KLHL1: variants seen among roughly 807,000 people sequenced by gnomAD.
KLHL1 encodes the protein kelch like family member 1, also known as kelch-like protein 1.
In KLHL1, 47 loss-of-function variants were observed where a neutral mutation model predicts 77.7. The observed-to-expected ratio is 0.60, with a 90% CI of 0.48 to 0.77. The LOEUF (loss-of-function observed/expected upper bound fraction) is 0.77. Ranked by LOEUF, KLHL1 falls within the 30% of genes least tolerant of loss-of-function variation. The pLI, the probability that KLHL1 is intolerant of heterozygous loss-of-function variation, is 0.00. For synonymous variants in KLHL1, 360 were observed against 325.2 expected, an observed-to-expected ratio of 1.11 and a Z score of -1.15; for missense variants, 925 against 910.8, an observed-to-expected ratio of 1.02 and a Z score of -0.20.
intron 1 of KLHL1, among the ~76,000 whole-genome samples, chr13:70,024,620 T>TTCTC (rs5804459): frequency 0.028 from 3,670 of 130,302 alleles, 77 homozygotes; most frequent in Non-Finnish European, 0.039. Flanking sequence ...GAGAAAAGAT[T>TTCTC]TCTCTCTCTC....
At chr13:69,862,903 AT>A in intron 5 of KLHL1, among the ~76,000 whole-genome samples, 1 of 152,214 alleles carries the variant, frequency 6.6e-6, no homozygotes, top group East Asian at 1.9e-4. Flanking sequence ...TACATTTCTG[AT>A]GTTTAAGCCA....
intron 1 of KLHL1, among the ~76,000 whole-genome samples, chr13:69,999,832 T>G (rs1885243615): frequency 6.6e-6 from 1 of 152,110 alleles, no homozygotes; most frequent in South Asian, 2.1e-4. Context: ...GCTAGCATTA[T>G]TAACCCAGGT....
At chr13:69,952,338 C>T (rs1444039896) in intron 3 of KLHL1, among the ~76,000 whole-genome samples, 52 of 151,356 alleles carry the variant, frequency 3.4e-4, no homozygotes. Context: ...ATATTTTAGA[C>T]AAATGCAAAA....
intron 5 of KLHL1, among the ~76,000 whole-genome samples, chr13:69,866,498 T>C (rs1880368558): frequency 6.6e-6 from 1 of 152,114 alleles, no homozygotes; most frequent in South Asian, 2.1e-4. Context: ...AGTGATTCCC[T>C]AGTGTTTCTG....
intron 7 of KLHL1, among the ~76,000 whole-genome samples, chr13:69,782,197 G>C (rs552339593): frequency 6.6e-6 from 1 of 152,304 alleles, no homozygotes; most frequent in South Asian, 2.1e-4. Flanking sequence ...CAAGATGGCC[G>C]AACAGGAACA....
At chr13:69,790,723 A>G (rs1369802697) in intron 7 of KLHL1, among the ~76,000 whole-genome samples, 7 of 152,186 alleles carry the variant, frequency 4.6e-5, no homozygotes, top group Admixed American at 4.6e-4. Context: ...TAGATACAGG[A>G]AAATCCAATA....
intron 5 of KLHL1, among the ~76,000 whole-genome samples, chr13:69,843,493 C>T (rs1879343848): frequency 6.6e-6 from 1 of 151,536 alleles, no homozygotes; most frequent in Admixed American, 6.6e-5. Flanking sequence ...ATTTTGATGG[C>T]TCCTTTAACT....
rs139255875 is a variant in KLHL1, at chr13:69,902,254, T to C, written c.1015-19759A>G. On this transcript the variant is annotated intron_variant, in intron 4 of 10. Transcript: ENST00000377844. ...TAACTAATGAAGTTTTAAATTTCTTTCATGTTTGTTCAACATGGGCTGGTC... is the reference window on the plus strand; with the variant it reads ...TAACTAATGAAGTTTTAAATTTCTTCCATGTTTGTTCAACATGGGCTGGTC... Among the ~76,000 whole-genome samples the C allele has an allele frequency of 7.3e-3, 1,111 of 152,308 alleles. 11 individuals are homozygous for C. The highest frequency in any genetic ancestry group is 0.025 in the African/African-American group (1,055 of 41,560).
intron 1 of KLHL1, among the ~76,000 whole-genome samples, chr13:70,069,897 G>A (rs953032216): frequency 5.3e-5 from 8 of 152,082 alleles, no homozygotes; most frequent in East Asian, 3.9e-4. Context: ...GGCCGGGCAC[G>A]GTGGCTCATG....
chr13:70,077,282 A>T (rs1183074201), intron 1 of KLHL1, among the ~76,000 whole-genome samples: 3 of 151,988 alleles, frequency 2.0e-5, no homozygotes, highest in Non-Finnish European at 4.4e-5. Flanking sequence ...CAACAATAAA[A>T]AGATATGAGC....
intron 6 of KLHL1, among the ~76,000 whole-genome samples, chr13:69,824,861 T>G (rs1169714755): frequency 6.6e-6 from 1 of 152,082 alleles, no homozygotes; most frequent in Non-Finnish European, 1.5e-5. Flanking sequence ...AAAACTCACT[T>G]AAAGGACCAC....
chr13:70,098,836 C>T (rs1447832731), intron 1 of KLHL1, among the ~76,000 whole-genome samples: 1 of 151,578 alleles, frequency 6.6e-6, no homozygotes, highest in Non-Finnish European at 1.5e-5. Flanking sequence ...TCTCTTCTTA[C>T]ATTTTTTTCA....
intron 10 of KLHL1, among the ~76,000 whole-genome samples, chr13:69,705,814 T>A (rs1244429907): frequency 6.6e-6 from 1 of 151,734 alleles, no homozygotes; most frequent in Non-Finnish European, 1.5e-5. Flanking sequence ...AGGAAAATGA[T>A]CTTTAGGAGT....
chr13:69,787,872 A>G lies in KLHL1; in HGVS notation c.1639+8866T>C, dbSNP rs573682448. Among the ~76,000 whole-genome samples the G allele has an allele frequency of 1.0e-3, 156 of 152,364 alleles. 1 individual carries two copies. Among genetic ancestry groups the G allele is most frequent in the Non-Finnish European group, 1.7e-3 (119 of 68,036 alleles). On this transcript the variant is annotated intron_variant, in intron 7 of 10. Coordinates refer to ENST00000377844, the MANE Select transcript of KLHL1 (RefSeq NM_020866.3). Reference sequence around the variant, plus strand: ...GATATGAACAGACATTTCTGAAAAGAAGACATTTATGCAGCCAAAAAACAC... The same window carrying G: ...GATATGAACAGACATTTCTGAAAAGGAGACATTTATGCAGCCAAAAAACAC...
intron 1 of KLHL1, among the ~76,000 whole-genome samples, chr13:69,986,030 A>G (rs760107023): frequency 3.3e-5 from 5 of 151,300 alleles, no homozygotes; most frequent in Non-Finnish European, 7.4e-5. Flanking sequence ...TGTGTGGAAT[A>G]CTATTCATAC....
At chr13:70,009,372 T>C (rs535038307) in intron 1 of KLHL1, among the ~76,000 whole-genome samples, 177 of 152,144 alleles carry the variant, frequency 1.2e-3, no homozygotes, top group African/African-American at 4.0e-3. Flanking sequence ...GTTGCATAGG[T>C]AAAGGGCAGG....
chr13:69,780,294 G>T (rs1876075297), intron 7 of KLHL1, among the ~76,000 whole-genome samples: 1 of 152,052 alleles, frequency 6.6e-6, no homozygotes, highest in South Asian at 2.1e-4. Flanking sequence ...TAAAATGTTT[G>T]ATACCTTGTA....
intron 6 of KLHL1, among the ~76,000 whole-genome samples, chr13:69,810,036 T>C (rs1877797598): frequency 6.6e-6 from 1 of 152,096 alleles, no homozygotes; most frequent in African/African-American, 2.4e-5. Context: ...AGTATCCAGA[T>C]TTATAAAACA....
At chr13:69,861,356 AAC>A (rs1228674653) in intron 5 of KLHL1, among the ~76,000 whole-genome samples, 1 of 152,014 alleles carries the variant, frequency 6.6e-6, no homozygotes, top group Middle Eastern at 3.2e-3. Flanking sequence ...TATGTCTATG[AAC>A]ATTTTGCTAG....
Sources: allele counts gnomAD v4.1 joint callset (sites outside exome capture counted in the v4.1 genomes callset), GRCh38; gene constraint gnomAD v4.1.1; transcripts MANE v1.5; gene names NCBI Gene and HGNC (gene_info 2026-07-23, HGNC 2026-07-21).